ATRAID: variants seen among roughly 807,000 people sequenced by gnomAD.
The protein encoded by ATRAID is all-trans retinoic acid-induced differentiation factor.
ATRAID carries 26 observed loss-of-function variants against 28.8 expected under a neutral mutation model. That is an observed-to-expected ratio of 0.90 (90% CI 0.66 to 1.25). The LOEUF (loss-of-function observed/expected upper bound fraction) is 1.25. ATRAID is among the 50% of genes most tolerant of loss of function. The probability of loss-of-function intolerance (pLI) is 0.00; values close to 1 mark genes in which losing one functional copy is unlikely to be tolerated. For synonymous variants in ATRAID, 131 were observed against 108.5 expected, an observed-to-expected ratio of 1.21 and a Z score of -1.29; for missense variants, 308 against 285.9, an observed-to-expected ratio of 1.08 and a Z score of -0.56.
In ATRAID at chr2:27,212,410, C is replaced by G; in HGVS notation, c.42C>G (p.Pro14=). Residue 14 remains proline, a synonymous_variant, in exon 1 of 7, where the codon CCC becomes CCG. Transcript: ENST00000380171. ...HDPGSLTTLV[P]WAAALLLALG... The stretch of plus-strand genomic sequence containing the variant: ...CGGGTAGTCTTACGACCCTGGTGCC[C>G]TGGGCTGCCGCCCTGCTCCTCGCTC... The G allele has an allele frequency of 6.4e-7, 1 of 1,552,846 alleles. No individual in the cohort carries two copies. The highest frequency in any genetic ancestry group is 2.4e-5 in the East Asian group (1 of 41,054).
At chr2:27,216,150 C>T (rs1215582134) in intron 5 of ATRAID, among the ~76,000 whole-genome samples, 1 of 152,162 alleles carries the variant, frequency 6.6e-6, no homozygotes, top group Non-Finnish European at 1.5e-5. Context: ...TACAAAGAAC[C>T]TTCTTAAGCG....
At chr2:27,212,632 G>A (rs1272440194) in intron 1 of ATRAID, 165 bp downstream of exon 1, 2 of 1,409,180 alleles carry the variant, frequency 1.4e-6, no homozygotes, top group East Asian at 2.8e-5. Flanking sequence ...TACTCACGTC[G>A]TGCAGGCCTT....
In ATRAID at chr2:27,215,511, A is replaced by C; in HGVS notation, c.331A>C (p.Asn111His). ...AAACCCCCTCAAAGGTGACTTGGCC[A>C]ACACCTTCCGTGGCTTTACTCAGCT... ...QANPLKGDLA[N>H]TFRGFTQLQT... Residue 111 changes from asparagine (N) to histidine (H), a missense_variant, in exon 4 of 7, where the codon AAC (asparagine) becomes CAC (histidine). Transcript: ENST00000380171. The C allele has an allele frequency of 6.2e-7, 1 of 1,614,246 alleles. No homozygotes were observed. Among genetic ancestry groups the C allele is most frequent in the Non-Finnish European group, 8.5e-7 (1 of 1,180,046 alleles).
intron 2 of ATRAID, 147 bp downstream of exon 2, chr2:27,213,445 T>G: frequency 1.8e-6 from 2 of 1,113,470 alleles, no homozygotes; most frequent in Non-Finnish European, 2.4e-6. Flanking sequence ...ATCTCTTTAG[T>G]GTCTTTTTTA....
rs932126810 is a variant in ATRAID, at chr2:27,212,042, A to C, written c.-327A>C. On this transcript the variant is annotated 5_prime_UTR_variant, in exon 1 of 7. Coordinates refer to ENST00000380171, the MANE Select transcript of ATRAID (RefSeq NM_001170795.4). ...TACTGAGGGCGGATGGAGGGGCCCG[A>C]GTTTCTGCGAAGCCGCGACCTCGGC... 2.2e-6 allele frequency: 2 copies of C among 903,966 alleles called. No individual in the cohort carries two copies. Among genetic ancestry groups the C allele is most frequent in the African/African-American group, 3.6e-5 (2 of 55,318 alleles). The allele number at this position is 903,966 out of a possible 1,614,324, so 56.0% of individuals were successfully genotyped here.
intron 2 of ATRAID, among the ~76,000 whole-genome samples, chr2:27,213,729 A>G (rs1195584264): frequency 6.6e-6 from 1 of 152,104 alleles, no homozygotes; most frequent in African/African-American, 2.4e-5. Flanking sequence ...CACTTTTCCA[A>G]CATTATTTCC....
intron 2 of ATRAID, among the ~76,000 whole-genome samples, chr2:27,214,212 A>G (rs1340246143): frequency 6.6e-6 from 1 of 152,242 alleles, no homozygotes; most frequent in African/African-American, 2.4e-5. Flanking sequence ...AAGCCACTCA[A>G]AGGCCAAAAT....
At chr2:27,216,360 G>A (rs1350661064) in intron 5 of ATRAID, 163 bp from the exon 6 acceptor site, 1 of 637,874 alleles carries the variant, frequency 1.6e-6, no homozygotes, top group African/African-American at 1.8e-5. Flanking sequence ...GCTTAGCTTG[G>A]GCTCAGAGGC....
chr2:27,214,426 TTAA>T (rs942761006), intron 2 of ATRAID, among the ~76,000 whole-genome samples: 23 of 152,224 alleles, frequency 1.5e-4, no homozygotes, highest in Non-Finnish European at 2.5e-4. Flanking sequence ...CTTTTTTTTT[TTAA>T]TTTAAAGGCC....
At position 27,216,889 on chromosome 2, in the gene ATRAID, A is replaced by G; in HGVS notation, c.631A>G (p.Thr211Ala). 5 of 1,614,046 alleles carry G rather than the reference A, an allele frequency of 3.1e-6. No homozygotes were observed. Among genetic ancestry groups the G allele is most frequent in the Non-Finnish European group, 4.2e-6 (5 of 1,180,016 alleles). Residue 211 changes from threonine to alanine, a missense_variant, in exon 7 of 7, where the codon ACT (threonine) becomes GCT (alanine). By Grantham distance (58) the Thr-to-Ala change is moderately conservative (BLOSUM62 0). Coordinates refer to ENST00000380171, the MANE Select transcript of ATRAID (RefSeq NM_001170795.4). ...GTTCTTCGGGATTCTGGGAGCCACCACTCTATCCGTCTCCATTCTGCTTTG... is the reference window on the plus strand; with the variant it reads ...GTTCTTCGGGATTCTGGGAGCCACCGCTCTATCCGTCTCCATTCTGCTTTG... ...LMFFGILGAT[T>A]LSVSILLWAT...
In ATRAID at chr2:27,215,680, T is replaced by C. The variant is rs760749918; in HGVS notation, c.414T>C (p.Asn138=). The C allele has an allele frequency of 2.5e-6, 4 of 1,614,244 alleles. No homozygotes were observed. The highest frequency in any genetic ancestry group is 3.4e-6 in the Non-Finnish European group (4 of 1,180,046). Residue 138 remains asparagine (N), a synonymous_variant, in exon 5 of 7, where the codon AAT becomes AAC. Coordinates refer to ENST00000380171, the MANE Select transcript of ATRAID (RefSeq NM_001170795.4). ...GTCCTGGAGGAATTAATGCCTGGAA[T>C]ACTATCACCTCTTATATAGACAACC... ...VNCPGGINAW[N]TITSYIDNQI...
In ATRAID at chr2:27,215,690, T is replaced by G; in HGVS notation, c.424T>G (p.Ser142Ala). ...AATTAATGCCTGGAATACTATCACC[T>G]CTTATATAGACAACCAAATCTGTCA... ...GGINAWNTIT[S>A]YIDNQICQGQ... The change falls in exon 5 of 7, where the codon TCT (serine) becomes GCT (alanine). Residue 142 changes from serine to alanine, a missense_variant. Physicochemically the swap from Ser to Ala is moderately conservative, Grantham distance 99. Transcript: ENST00000380171. The G allele has an allele frequency of 6.2e-7, 1 of 1,614,204 alleles. No individual in the cohort carries two copies. Among genetic ancestry groups the G allele is most frequent in the Non-Finnish European group, 8.5e-7 (1 of 1,180,036 alleles).
In ATRAID at chr2:27,212,459, C is replaced by G. The variant is rs1452077882; in HGVS notation, c.91C>G (p.Leu31Val). 4 of 1,563,456 alleles carry G rather than the reference C, an allele frequency of 2.6e-6. No individual in the cohort carries two copies. Among genetic ancestry groups the G allele is most frequent in the African/African-American group, 1.4e-5 (1 of 72,918 alleles). Reference sequence around the variant, plus strand: ...TCTGGGCGTGGAAAGGGCTCTGGCGCTACCCGAGGTACAGAAGCAAGTTTG... The same window carrying G: ...TCTGGGCGTGGAAAGGGCTCTGGCGGTACCCGAGGTACAGAAGCAAGTTTG... Reference protein sequence around the residue: ...LALGVERALALPEICTQCPGS... With the variant: ...LALGVERALAVPEICTQCPGS... Residue 31 changes from leucine (L) to valine (V), a missense_variant, in exon 1 of 7, where the codon CTA (leucine) becomes GTA (valine). By Grantham distance (32) the Leu-to-Val change is conservative (BLOSUM62 1). Transcript: ENST00000380171.
intron 1 of ATRAID, 80 bp downstream of exon 1, chr2:27,212,547 C>T (rs1214234901): frequency 2.0e-6 from 3 of 1,498,398 alleles, no homozygotes; most frequent in South Asian, 1.3e-5. Context: ...GCTCCCCCTT[C>T]TCCTCGGCGG....
intron 5 of ATRAID, chr2:27,216,286 T>C (rs1030313977): frequency 5.5e-5 from 28 of 505,794 alleles, no homozygotes; most frequent in African/African-American, 4.6e-4. Context: ...TTCATTTCTT[T>C]TGTGGATCTT....
chr2:27,216,699 A>G (rs1674853978), intron 6 of ATRAID, 79 bp downstream of exon 6: 2 of 1,464,732 alleles, frequency 1.4e-6, no homozygotes, highest in East Asian at 2.3e-5. Context: ...CCACAAGACC[A>G]GGAGCTGATA....
At position 27,215,345 on chromosome 2, in the gene ATRAID, G is replaced by T; in HGVS notation, c.246G>T (p.Leu82=). Residue 82 remains leucine (L), a synonymous_variant, in exon 3 of 7, where the codon CTG becomes CTT. Transcript: ENST00000380171. ...ILGLDLQNCS[L]EDPGPNFHQA... ...GGCTGGATCTCCAGAACTGTTCTCT[G>T]GAGGACCCTGGTCCAAACTTTCATC... 6.2e-7 allele frequency: 1 copy of T among 1,614,092 alleles called. No homozygotes were observed. Among genetic ancestry groups the T allele is most frequent in the South Asian group, 1.1e-5 (1 of 91,084 alleles).
In ATRAID at chr2:27,215,467, T is replaced by C; in HGVS notation, c.294-7T>C. 6.2e-7 allele frequency: 1 copy of C among 1,614,188 alleles called. No homozygotes were observed. The highest frequency in any genetic ancestry group is 1.3e-5 in the African/African-American group (1 of 75,054). On this transcript the variant is annotated splice_polypyrimidine_tract_variant and splice_region_variant and intron_variant, in intron 3 of 6. Transcript: ENST00000380171. ...ATGCGAAAGTGCTAACATTGTGTACTTTGCAGAGACCTGCAAGCAAACCCC... is the reference window on the plus strand; with the variant it reads ...ATGCGAAAGTGCTAACATTGTGTACCTTGCAGAGACCTGCAAGCAAACCCC...
In ATRAID at chr2:27,213,271, G is replaced by A; in HGVS notation, c.194G>A (p.Cys65Tyr). ...GAGCTAATGCTGCATGCCCGTTGCT[G>A]CCTGAATCAGAAGGGCACCATCTTG... is the stretch of plus-strand genomic sequence containing the variant. ...TRELMLHARC[C>Y]LNQKGTILGL... Residue 65 changes from cysteine (C) to tyrosine (Y), a missense_variant, in exon 2 of 7, where the codon TGC becomes TAC. Cys to Tyr is a radical substitution (Grantham distance 194, BLOSUM62 -2). Transcript: ENST00000380171. The A allele has an allele frequency of 1.2e-6, 2 of 1,614,088 alleles. No homozygotes were observed. The highest frequency in any genetic ancestry group is 1.7e-6 in the Non-Finnish European group (2 of 1,179,994).
Sources: allele counts gnomAD v4.1 joint callset (sites outside exome capture counted in the v4.1 genomes callset), GRCh38; gene constraint gnomAD v4.1.1; transcripts MANE v1.5; gene names NCBI Gene and HGNC (gene_info 2026-07-23, HGNC 2026-07-21).